ADAMTS17: variants seen among roughly 807,000 people sequenced by gnomAD.
ADAMTS17 encodes ADAM metallopeptidase with thrombospondin type 1 motif 17.
In ADAMTS17, 113 loss-of-function variants were observed where a neutral mutation model predicts 141.5. The observed-to-expected ratio is 0.80, with a 90% CI of 0.69 to 0.93. The LOEUF (loss-of-function observed/expected upper bound fraction) is 0.93, where lower values mean the gene tolerates loss of function less well. ADAMTS17 is among the 40% of genes least tolerant of loss of function. ADAMTS17 has a pLI of 0.00. For synonymous variants in ADAMTS17, 768 were observed against 630.6 expected, an observed-to-expected ratio of 1.22 and a Z score of -3.27; for missense variants, 1,659 against 1,517.9, an observed-to-expected ratio of 1.09 and a Z score of -1.54.
chr15:99,987,618 G>C (rs2573596), intron 20 of ADAMTS17, among the ~76,000 whole-genome samples: 11,041 of 152,148 alleles, frequency 0.073, 1,190 homozygotes, highest in African/African-American at 0.24. Flanking sequence ...TACGGCAAAC[G>C]TAAACAGTCC....
intron 15 of ADAMTS17, among the ~76,000 whole-genome samples, chr15:100,078,146 T>C (rs2034502919): frequency 6.6e-6 from 1 of 151,900 alleles, no homozygotes; most frequent in Admixed American, 6.5e-5. Flanking sequence ...TCAGATGACA[T>C]TGTAAAAAAT....
intron 3 of ADAMTS17, among the ~76,000 whole-genome samples, chr15:100,321,327 A>G (rs569633980): frequency 6.6e-6 from 1 of 152,208 alleles, no homozygotes; most frequent in Non-Finnish European, 1.5e-5. Flanking sequence ...ATGGTATAGT[A>G]AACAGATAAA....
intron 3 of ADAMTS17, among the ~76,000 whole-genome samples, chr15:100,304,894 A>T (rs1490686408): frequency 1.3e-5 from 2 of 152,218 alleles, no homozygotes; most frequent in Non-Finnish European, 2.9e-5. Flanking sequence ...AAGGATGAAG[A>T]TCTTTGTAAT....
At chr15:99,990,943 G>A (rs547388584) in intron 20 of ADAMTS17, among the ~76,000 whole-genome samples, 30 of 152,234 alleles carry the variant, frequency 2.0e-4, no homozygotes, top group African/African-American at 6.3e-4. Context: ...TTTAATACCC[G>A]GTGTTGGGAA....
At chr15:100,130,087 G>A (rs1186171631) in intron 12 of ADAMTS17, among the ~76,000 whole-genome samples, 3 of 152,074 alleles carry the variant, frequency 2.0e-5, no homozygotes, top group Non-Finnish European at 4.4e-5. Context: ...TTCCTGGATT[G>A]GGCATGGTGG....
chr15:100,237,816 G>A (rs1242930719), intron 7 of ADAMTS17, among the ~76,000 whole-genome samples: 1 of 152,132 alleles, frequency 6.6e-6, no homozygotes, highest in Admixed American at 6.5e-5. Flanking sequence ...TAGAGACAGG[G>A]TTTCACGATG....
At chr15:100,131,790 G>C (rs796243502) in intron 12 of ADAMTS17, among the ~76,000 whole-genome samples, 1 of 152,312 alleles carries the variant, frequency 6.6e-6, no homozygotes, top group African/African-American at 2.4e-5. Context: ...GCTCACCCCA[G>C]ACTCTACTGT....
At chr15:100,109,146 C>T in intron 13 of ADAMTS17, 30 bp from the exon 14 acceptor site, 1 of 1,589,154 alleles carries the variant, frequency 6.3e-7, no homozygotes, top group Non-Finnish European at 8.6e-7. Flanking sequence ...AGGACGTTGA[C>T]ACGGGAAGGT....
intron 8 of ADAMTS17, among the ~76,000 whole-genome samples, chr15:100,158,835 A>T (rs1420980478): frequency 6.6e-6 from 1 of 151,446 alleles, no homozygotes; most frequent in Non-Finnish European, 1.5e-5. Flanking sequence ...TTCTCTAAAG[A>T]AGACATACAA....
chr15:100,313,439 T>C (rs1296658282), intron 3 of ADAMTS17, among the ~76,000 whole-genome samples: 1 of 152,260 alleles, frequency 6.6e-6, no homozygotes, highest in Non-Finnish European at 1.5e-5. Flanking sequence ...GCCTCCATGA[T>C]GTTGCAAAAG....
intron 3 of ADAMTS17, among the ~76,000 whole-genome samples, chr15:100,299,424 TCAC>T (rs774782697): frequency 2.0e-5 from 3 of 150,710 alleles, no homozygotes; most frequent in Admixed American, 6.6e-5. Flanking sequence ...ATCATGATTC[TCAC>T]CACCACTTTT....
intron 3 of ADAMTS17, among the ~76,000 whole-genome samples, chr15:100,315,886 A>G (rs2045550974): frequency 6.6e-6 from 1 of 152,184 alleles, no homozygotes; most frequent in Non-Finnish European, 1.5e-5. Context: ...ACTGGAGGGA[A>G]CCACGGGGGC....
At chr15:100,145,221 G>C (rs890008440) in intron 10 of ADAMTS17, among the ~76,000 whole-genome samples, 2 of 152,172 alleles carry the variant, frequency 1.3e-5, no homozygotes, top group East Asian at 1.9e-4. Flanking sequence ...CACCAGTGAG[G>C]GGCTTACCAG....
At chr15:100,044,207 C>G (rs1389801278) in intron 18 of ADAMTS17, among the ~76,000 whole-genome samples, 1 of 152,148 alleles carries the variant, frequency 6.6e-6, no homozygotes, top group Non-Finnish European at 1.5e-5. Context: ...CTGTCTTTCA[C>G]AAACCTGGGA....
rs1269840479 is a variant in ADAMTS17, at chr15:99,974,562, G to A, written c.3128C>T (p.Ala1043Val). The change falls in exon 22 of 22, where the codon GCT becomes GTT. Residue 1043 changes from alanine to valine, a missense_variant and splice_region_variant. Coordinates refer to ENST00000268070, the MANE Select transcript of ADAMTS17 (RefSeq NM_139057.4). The stretch of plus-strand genomic sequence containing the variant: ...TCGTGTGCATTTGTAGGTCAGAGCA[G>A]CTAAGGGGATAGGAGAGAGAATACC... Reference protein sequence around the residue: ...NANTITSPRLAALTYKCTRDQ... With the variant: ...NANTITSPRLVALTYKCTRDQ... 6 of 1,614,130 alleles carry A rather than the reference G, an allele frequency of 3.7e-6. No individual in the cohort carries two copies. In the African/African-American group the frequency reaches 4.0e-5, roughly 11 times the overall value.
chr15:100,320,051 T>A (rs1232112900), intron 3 of ADAMTS17, among the ~76,000 whole-genome samples: 30 of 152,172 alleles, frequency 2.0e-4, no homozygotes, highest in Non-Finnish European at 1.5e-5. Flanking sequence ...CTAAAAGTAT[T>A]GAATATAATT....
At chr15:100,018,946 G>A (rs2061346726) in intron 18 of ADAMTS17, among the ~76,000 whole-genome samples, 1 of 152,162 alleles carries the variant, frequency 6.6e-6, no homozygotes, top group Non-Finnish European at 1.5e-5. Flanking sequence ...CTCAAGTTAT[G>A]TATAACCTAT....
chr15:100,115,602 T>A (rs2037066849), intron 13 of ADAMTS17, among the ~76,000 whole-genome samples: 3 of 152,098 alleles, frequency 2.0e-5, no homozygotes, highest in Admixed American at 6.5e-5. Flanking sequence ...AAGCTGCAGA[T>A]CTGAGGCTGC....
intron 8 of ADAMTS17, among the ~76,000 whole-genome samples, chr15:100,191,152 TC>T (rs1454505056): frequency 6.6e-6 from 1 of 152,212 alleles, no homozygotes; most frequent in African/African-American, 2.4e-5. Flanking sequence ...CCCTCCTGCC[TC>T]CTCAAACACC....
Sources: allele counts gnomAD v4.1 joint callset (sites outside exome capture counted in the v4.1 genomes callset), GRCh38; gene constraint gnomAD v4.1.1; transcripts MANE v1.5; gene names NCBI Gene and HGNC (gene_info 2026-07-23, HGNC 2026-07-21).